The following PRMT1 variants were observed in gnomAD, a reference collection of about 807,000 sequenced individuals.
The protein encoded by PRMT1 is protein arginine methyltransferase 1.
In PRMT1, 5 loss-of-function variants were observed where a neutral mutation model predicts 47.4. The observed-to-expected ratio is 0.11, with a 90% CI of 0.06 to 0.22. The LOEUF (loss-of-function observed/expected upper bound fraction) is 0.22, where lower values mean the gene tolerates loss of function less well. Ranked by LOEUF, PRMT1 falls within the 10% of genes least tolerant of loss-of-function variation. PRMT1 has a pLI of 1.00. For synonymous variants in PRMT1, 227 were observed against 204.6 expected (o/e 1.11, Z -0.94); for missense variants, 249 against 518.4 (o/e 0.48, Z 5.05).
At chr19:49,687,901 TC>T (rs2082233609) in intron 10 of PRMT1, 2 of 574,384 alleles carry the variant, frequency 3.5e-6, no homozygotes, top group Non-Finnish European at 6.3e-6. Context: ...ATGGGAATCA[TC>T]CTGATGGAGA....
chr19:49,687,879 A>G lies in PRMT1; in HGVS notation c.1033-283A>G. On this transcript the variant is annotated intron_variant, in intron 10 of 10. Coordinates refer to ENST00000454376, the MANE Select transcript of PRMT1 (RefSeq NM_001536.6). Reference sequence around the variant, plus strand: ...TTTCTTTTTTATGAAAGAAGCAATCACTGCATTGCTGATGGGAATCATCCT... The same window carrying G: ...TTTCTTTTTTATGAAAGAAGCAATCGCTGCATTGCTGATGGGAATCATCCT... 4 of 525,206 alleles carry G rather than the reference A, an allele frequency of 7.6e-6. No homozygotes were observed. In the East Asian group the frequency reaches 1.2e-4, roughly 16 times the overall value. The allele number at this position is 525,206 out of a possible 1,614,324, so 32.5% of individuals were successfully genotyped here.
rs897000949 is a variant in PRMT1 at position 49,680,674 on chromosome 19, C to T, written c.192+86C>T. 7 of 1,106,648 alleles carry T rather than the reference C, an allele frequency of 6.3e-6. No homozygotes were observed. Among genetic ancestry groups the T allele is most frequent in the Non-Finnish European group, 9.5e-6 (7 of 738,766 alleles). The allele number at this position is 1,106,648 out of a possible 1,614,324, so 68.6% of individuals were successfully genotyped here. A position where few individuals can be genotyped will look rare whatever the true frequency, so the allele number is the denominator to read the frequency against. On this transcript the variant is annotated intron_variant, in intron 3 of 10. Transcript: ENST00000454376. This position sits in a 1 kb window ranked among gnomAD's most constrained non-coding sequence, Gnocchi z 4.2. The stretch of plus-strand genomic sequence containing the variant: ...TGGAACCTGTTTTCCCACGCATGCG[C>T]ACTGCTTCCCCTGGCCGCAGGCCGC...
At position 49,685,169 on chromosome 19, in the gene PRMT1, T is replaced by C. The variant is rs965588417; in HGVS notation, c.759+132T>C. 2.6e-6 allele frequency: 4 copies of C among 1,552,136 alleles called. No homozygotes were observed. Among genetic ancestry groups the C allele is most frequent in the Non-Finnish European group, 3.5e-6 (4 of 1,150,010 alleles). On this transcript the variant is annotated intron_variant, in intron 8 of 10. Transcript: ENST00000454376. This position sits in a 1 kb window ranked among gnomAD's most constrained non-coding sequence, Gnocchi z 4.7. The stretch of plus-strand genomic sequence containing the variant: ...CAGAGCCTGATCTGCCAGCCAGAGG[T>C]GGTGCTAGAGGCCCAGGAAAGACAC...
At position 49,684,726 on chromosome 19, in the gene PRMT1, C is replaced by T; in HGVS notation, c.556-28C>T. ...CAGGGTAGTGTTGCCAGGCCCCACC[C>T]TTCATGCCTCGCCCTGCCCCTCTGT... On this transcript the variant is annotated intron_variant, in intron 6 of 10. Coordinates refer to ENST00000454376, the MANE Select transcript of PRMT1 (RefSeq NM_001536.6). This position sits in a 1 kb window ranked among gnomAD's most constrained non-coding sequence, Gnocchi z 6.2. 8 of 1,547,466 alleles carry T rather than the reference C, an allele frequency of 5.2e-6. No homozygotes were observed. Among genetic ancestry groups the T allele is most frequent in the Non-Finnish European group, 7.0e-6 (8 of 1,145,022 alleles).
In PRMT1 at chr19:49,684,178, T is replaced by C. The variant is rs2082168982; in HGVS notation, c.555+109T>C. The C allele has an allele frequency of 6.9e-7, 1 of 1,455,890 alleles. No homozygotes were observed. Among genetic ancestry groups the C allele is most frequent in the African/African-American group, 1.4e-5 (1 of 71,706 alleles). 90.2% of individuals were successfully genotyped at this position (1,455,890 alleles called of 1,614,324 possible). On this transcript the variant is annotated intron_variant, in intron 6 of 10. Transcript: ENST00000454376. The surrounding 1 kb of genome is among the most constrained non-coding windows in gnomAD (Gnocchi z 6.2). ...ACGGGACTTACTGTGGGGGCTTAGC[T>C]GCAAGGTGTTAGAAAGCCACAGCCC...
At position 49,686,326 on chromosome 19, in the gene PRMT1, G is replaced by A. The variant is rs369183332; in HGVS notation, c.910+83G>A. On this transcript the variant is annotated intron_variant, in intron 9 of 10. Transcript: ENST00000454376. ...ACGTAGTGGAGGGGGTGACAGAAAC[G>A]GGCAGAAGGAACCATGGGGACACGC... 2.5e-4 allele frequency: 367 copies of A among 1,477,704 alleles called. 1 individual carries two copies. The African/African-American group carries it at 2.7e-3, about 11-fold the overall frequency. 91.5% of individuals were successfully genotyped at this position (1,477,704 alleles called of 1,614,324 possible). A position where few individuals can be genotyped will look rare whatever the true frequency, so the allele number is the denominator to read the frequency against.
Position 49,680,733 on chromosome 19 carries a change from C to T in PRMT1, c.192+145C>T, listed in dbSNP as rs564721387. 9.0e-6 allele frequency: 6 copies of T among 668,742 alleles called. No individual in the cohort carries two copies. The African/African-American group carries it at 1.1e-4, about 12-fold the overall frequency. 41.4% of individuals were successfully genotyped at this position (668,742 alleles called of 1,614,324 possible). On this transcript the variant is annotated intron_variant, in intron 3 of 10. Transcript: ENST00000454376. The surrounding 1 kb of genome is among the most constrained non-coding windows in gnomAD (Gnocchi z 4.2). ...CCCTCTGCTGCGCACTTCCTAGGGT[C>T]GCCTCGCCAAGCCGTTGCCTTGGAG...
intron 1 of PRMT1, chr19:49,678,284 C>T (rs2082066633): frequency 6.6e-6 from 1 of 152,264 alleles, no homozygotes; most frequent in African/African-American, 2.4e-5. Flanking sequence ...TGCGAGATGA[C>T]CTCCTTCTTC....
At position 49,687,272 on chromosome 19, in the gene PRMT1, G is replaced by C. The variant is rs35270176; in HGVS notation, c.1032+546G>C. 2.2e-4 allele frequency among the ~76,000 whole-genome samples: 33 copies of C among 152,088 alleles called. 1 individual carries two copies. In the South Asian group the frequency reaches 2.3e-3, roughly 11 times the overall value. ...AGGGGGCTTCCGGGGGAGCTGGGGG[G>C]GCTTCTCGGAGACAGGGTCTGGGCA... On this transcript the variant is annotated intron_variant, in intron 10 of 10. Transcript: ENST00000454376.
At chr19:49,683,477 A>C (rs2082152511) in intron 5 of PRMT1, among the ~76,000 whole-genome samples, 1 of 151,948 alleles carries the variant, frequency 6.6e-6, no homozygotes, top group Admixed American at 6.6e-5. Flanking sequence ...TCGTGAGGTC[A>C]GGAGATCAAG....
At position 49,680,369 on chromosome 19, in the gene PRMT1, T is replaced by C; in HGVS notation, c.91-118T>C. The stretch of plus-strand genomic sequence containing the variant: ...ATGGCAGGCGGGGGCTGTAGGGTTG[T>C]CATGGTATGATTTTGGGGGTTCTAT... On this transcript the variant is annotated intron_variant, in intron 2 of 10. Transcript: ENST00000454376. The surrounding 1 kb of genome is among the most constrained non-coding windows in gnomAD (Gnocchi z 4.2). 1 of 1,108,594 alleles carries C rather than the reference T, an allele frequency of 9.0e-7. No homozygotes were observed. The highest frequency in any genetic ancestry group is 1.4e-6 in the Non-Finnish European group (1 of 734,518). The allele number at this position is 1,108,594 out of a possible 1,614,324, so 68.7% of individuals were successfully genotyped here.
rs1183494627 is a variant in PRMT1 at position 49,684,078 on chromosome 19, C to T, written c.555+9C>T. 10 of 1,613,830 alleles carry T rather than the reference C, an allele frequency of 6.2e-6. No individual in the cohort carries two copies. The highest frequency in any genetic ancestry group is 3.3e-5 in the South Asian group (3 of 91,080). ...CCCGGGACAAGTGGCTGGTGAGGCC[C>T]CAGCGGGACGGGTGCAGCTCGCGTG... On this transcript the variant is annotated intron_variant, in intron 6 of 10. Transcript: ENST00000454376. This position sits in a 1 kb window ranked among gnomAD's most constrained non-coding sequence, Gnocchi z 6.2.
In PRMT1 at chr19:49,685,050, G is replaced by A. The variant is rs1230217426; in HGVS notation, c.759+13G>A. On this transcript the variant is annotated intron_variant, in intron 8 of 10. Transcript: ENST00000454376. This position sits in a 1 kb window ranked among gnomAD's most constrained non-coding sequence, Gnocchi z 4.7. ...CTGCCTCATAAAGGTGAGGGGGTGG[G>A]CATGGCCAGGTGCCCCCTGGGTTGA... The A allele has an allele frequency of 2.5e-6, 4 of 1,613,958 alleles. No individual in the cohort carries two copies. The African/African-American group carries it at 5.3e-5, about 22-fold the overall frequency.
chr19:49,677,355 T>G (rs752430396), intron 1 of PRMT1, 39 bp downstream of exon 1: 6 of 1,368,172 alleles, frequency 4.4e-6, no homozygotes, highest in African/African-American at 1.5e-5. Flanking sequence ...GGAGGCGGCT[T>G]TGGGTCGGTG....
rs930391658 is a variant in PRMT1, at chr19:49,684,473, G to A, written c.556-281G>A. On this transcript the variant is annotated intron_variant, in intron 6 of 10. Transcript: ENST00000454376. The surrounding 1 kb of genome is among the most constrained non-coding windows in gnomAD (Gnocchi z 6.2). ...GAGTGGAGGTGAGGGGTGACAGGGC[G>A]TGTGCAGATTTTGTGGAGGCTTATG... Among the ~76,000 whole-genome samples, 29 of 152,252 alleles carry A rather than the reference G, an allele frequency of 1.9e-4. No individual in the cohort carries two copies. The highest frequency in any genetic ancestry group is 3.9e-4 in the African/African-American group (16 of 41,556).
At chr19:49,676,502 GT>G (rs2082040249), upstream of PRMT1, 1 of 152,174 alleles carries the variant, frequency 6.6e-6, no homozygotes, top group Non-Finnish European at 1.5e-5. Context: ...GGGGTTGATG[GT>G]TTTAAAAAAC....
chr19:49,688,427 G>A lies in PRMT1; in HGVS notation c.*182G>A, dbSNP rs952793511. On this transcript the variant is annotated 3_prime_UTR_variant, in exon 11 of 11. Coordinates refer to ENST00000454376, the MANE Select transcript of PRMT1 (RefSeq NM_001536.6). This position sits in a 1 kb window ranked among gnomAD's most constrained non-coding sequence, Gnocchi z 5.3. ...TATGTTTTTATATGGTTGCATTTACGCCAATAAATCCTCAGCTGGGGTCTG... is the reference window on the plus strand; with the variant it reads ...TATGTTTTTATATGGTTGCATTTACACCAATAAATCCTCAGCTGGGGTCTG... 8 of 627,666 alleles carry A rather than the reference G, an allele frequency of 1.3e-5. No homozygotes were observed. Among genetic ancestry groups the A allele is most frequent in the South Asian group, 1.1e-4 (6 of 52,756 alleles). The allele number at this position is 627,666 out of a possible 1,614,324, so 38.9% of individuals were successfully genotyped here.
chr19:49,686,792 G>A, intron 10 of PRMT1, 66 bp downstream of exon 10: 8 of 758,744 alleles, frequency 1.1e-5, no homozygotes, highest in South Asian at 2.3e-5. Flanking sequence ...TGGGGGGGGA[G>A]TGGTGGGGGA....
chr19:49,677,422 C>A (rs1228383576), intron 1 of PRMT1, 106 bp downstream of exon 1: 6 of 999,506 alleles, frequency 6.0e-6, no homozygotes, highest in South Asian at 2.9e-5. Context: ...GGTTGGAGGT[C>A]CCCCGCCGCA....
Sources: allele counts gnomAD v4.1 joint callset (sites outside exome capture counted in the v4.1 genomes callset), GRCh38; gene constraint gnomAD v4.1.1; non-coding constraint Gnocchi (gnomAD v3.1); transcripts MANE v1.5; gene names NCBI Gene and HGNC (gene_info 2026-07-23, HGNC 2026-07-21).